PTPRM: variants seen among roughly 807,000 people sequenced by gnomAD.
PTPRM encodes the protein protein tyrosine phosphatase receptor type M.
Under a neutral mutation model 186.7 loss-of-function variants are expected in PTPRM, and 47 were observed. The ratio of observed to expected loss-of-function variants is 0.25; its 90% confidence interval spans 0.20 to 0.32. The LOEUF (loss-of-function observed/expected upper bound fraction) is 0.32. Among genes scored for constraint, PTPRM ranks in the 10% least tolerant of loss-of-function variants. PTPRM has a pLI of 1.00. For missense variants in PTPRM, 1,494 were observed against 1,865.0 expected (o/e 0.80, Z 3.66); for synonymous variants, 668 against 674.9 (o/e 0.99, Z 0.16).
intron 22 of PTPRM, among the ~76,000 whole-genome samples, chr18:8,324,138 G>C (rs115986115): frequency 6.6e-6 from 1 of 152,124 alleles, no homozygotes; most frequent in Non-Finnish European, 1.5e-5. Flanking sequence ...ACCATACTTA[G>C]GGGTTAACAA....
At chr18:8,220,116 A>G (rs996057054) in intron 14 of PTPRM, among the ~76,000 whole-genome samples, 5 of 152,182 alleles carry the variant, frequency 3.3e-5, no homozygotes, top group Non-Finnish European at 7.3e-5. Flanking sequence ...TACAATCACT[A>G]GATCATTATA....
At chr18:7,872,183 G>A (rs1206520659) in intron 2 of PTPRM, among the ~76,000 whole-genome samples, 1 of 152,104 alleles carries the variant, frequency 6.6e-6, no homozygotes, top group Non-Finnish European at 1.5e-5. Context: ...CATGTAAGTG[G>A]TGTAAAAGAA....
intron 1 of PTPRM, among the ~76,000 whole-genome samples, chr18:7,586,589 G>T (rs973459784): frequency 2.6e-4 from 39 of 152,176 alleles, no homozygotes; most frequent in Admixed American, 1.8e-3. Context: ...ATACTGCTCA[G>T]TTCCAAGGTC....
In PTPRM at chr18:8,224,534, G is replaced by A. The variant is rs1008123105; in HGVS notation, c.2301-19524G>A. Among the ~76,000 whole-genome samples the A allele has an allele frequency of 3.9e-5, 6 of 152,158 alleles. No homozygotes were observed. The South Asian group carries it at 1.2e-3, about 32-fold the overall frequency. ...AACCAGATTGCCCATTTGAAAGCTGGTTCTGACTCAGCTTGTCAAGCCAGC... is the reference window on the plus strand; with the variant it reads ...AACCAGATTGCCCATTTGAAAGCTGATTCTGACTCAGCTTGTCAAGCCAGC... On this transcript the variant is annotated intron_variant, in intron 14 of 32. Coordinates refer to ENST00000580170, the MANE Select transcript of PTPRM (RefSeq NM_001105244.2).
intron 1 of PTPRM, among the ~76,000 whole-genome samples, chr18:7,669,126 A>G (rs902901229): frequency 2.6e-5 from 4 of 152,148 alleles, no homozygotes; most frequent in Admixed American, 2.0e-4. Flanking sequence ...GTTTCCAGTT[A>G]TCCTTGAAAC....
At chr18:8,255,907 T>G (rs11876614) in intron 19 of PTPRM, among the ~76,000 whole-genome samples, 56,281 of 151,908 alleles carry the variant, frequency 0.37, 10,603 homozygotes, top group Admixed American at 0.42. Flanking sequence ...GCGTGTGTCA[T>G]GGAATGACAT....
chr18:8,241,016 T>C (rs190340610), intron 14 of PTPRM, among the ~76,000 whole-genome samples: 69 of 152,188 alleles, frequency 4.5e-4, no homozygotes, highest in South Asian at 1.0e-3. Flanking sequence ...TTGGGGGTGA[T>C]AGATGATGTA....
chr18:7,984,602 TACACACACAC>T (rs1555676946), intron 7 of PTPRM, among the ~76,000 whole-genome samples: 27 of 87,160 alleles, frequency 3.1e-4, no homozygotes, highest in East Asian at 8.1e-4. Flanking sequence ...TATATATATA[TACACACACAC>T]ACACACACAC....
At chr18:7,695,770 C>T (rs1416800114) in intron 1 of PTPRM, among the ~76,000 whole-genome samples, 1 of 152,126 alleles carries the variant, frequency 6.6e-6, no homozygotes, top group Non-Finnish European at 1.5e-5. Context: ...TGGTATGGCC[C>T]ACAACTGATG....
chr18:7,922,933 G>A (rs2165412), intron 4 of PTPRM, among the ~76,000 whole-genome samples: 40,369 of 152,042 alleles, frequency 0.27, 5,707 homozygotes, highest in East Asian at 0.44. Flanking sequence ...CTTAACCTTG[G>A]TGCTATTGAG....
chr18:7,786,746 T>C (rs1699731474), intron 2 of PTPRM, among the ~76,000 whole-genome samples: 1 of 152,228 alleles, frequency 6.6e-6, no homozygotes, highest in Admixed American at 6.5e-5. Flanking sequence ...CCTTAGTTCC[T>C]GATTGTCCTG....
intron 23 of PTPRM, among the ~76,000 whole-genome samples, chr18:8,354,212 TA>T (rs3049398): frequency 0.021 from 2,979 of 144,026 alleles, 116 homozygotes; most frequent in African/African-American, 0.071. Context: ...GATTCCGTCT[TA>T]AAAAAAAAAA....
chr18:8,166,797 G>C (rs1271885310), intron 14 of PTPRM, among the ~76,000 whole-genome samples: 1 of 152,186 alleles, frequency 6.6e-6, no homozygotes, highest in Non-Finnish European at 1.5e-5. Context: ...TGCATGGTCA[G>C]TAAGCAACTG....
chr18:8,353,751 A>G (rs1235364782), intron 23 of PTPRM, among the ~76,000 whole-genome samples: 3 of 152,162 alleles, frequency 2.0e-5, no homozygotes, highest in African/African-American at 7.2e-5. Context: ...GGTGCTTTCC[A>G]GGAAGCTCAA....
At chr18:8,398,950 A>G (rs545432659) in intron 32 of PTPRM, among the ~76,000 whole-genome samples, 2 of 152,218 alleles carry the variant, frequency 1.3e-5, no homozygotes, top group South Asian at 4.2e-4. Flanking sequence ...TTCTGAGGTG[A>G]TGGGAATGTT....
chr18:7,845,572 A>G (rs757049019), intron 2 of PTPRM, among the ~76,000 whole-genome samples: 9 of 152,252 alleles, frequency 5.9e-5, no homozygotes, highest in Non-Finnish European at 1.3e-4. Flanking sequence ...ATCCTATAGG[A>G]CAAATGAAAC....
chr18:7,845,383 T>C (rs1486563837), intron 2 of PTPRM, among the ~76,000 whole-genome samples: 3 of 152,228 alleles, frequency 2.0e-5, no homozygotes, highest in Non-Finnish European at 2.9e-5. Context: ...CGTCAACTTA[T>C]GCTTTATATA....
chr18:7,847,688 A>G (rs914679899), intron 2 of PTPRM, among the ~76,000 whole-genome samples: 2 of 152,112 alleles, frequency 1.3e-5, no homozygotes, highest in African/African-American at 2.4e-5. Flanking sequence ...TTATCCCCCT[A>G]CAACTAAAGA....
At chr18:7,592,390 A>T (rs1253954499) in intron 1 of PTPRM, among the ~76,000 whole-genome samples, 1 of 152,214 alleles carries the variant, frequency 6.6e-6, no homozygotes, top group African/African-American at 2.4e-5. Flanking sequence ...AACTCATCAT[A>T]TATTCCACTC....
Sources: gnomAD v4.1 joint callset for allele counts (sites outside exome capture counted in the v4.1 genomes callset) on GRCh38, gnomAD v4.1.1 for gene constraint, MANE v1.5 for transcripts, NCBI Gene and HGNC (gene_info 2026-07-23, HGNC 2026-07-21) for gene names.